The following TMEM232 variants were observed in gnomAD, a reference collection of about 807,000 sequenced individuals.
TMEM232 encodes transmembrane protein 232.
Under a neutral mutation model 78.8 loss-of-function variants are expected in TMEM232, and 80 were observed. The observed-to-expected ratio is 1.01, with a 90% CI of 0.85 to 1.22. The LOEUF (loss-of-function observed/expected upper bound fraction) is 1.22. Among genes scored for constraint, TMEM232 ranks in the 50% most tolerant of loss-of-function variants. The pLI, the probability that TMEM232 is intolerant of heterozygous loss-of-function variation, is 0.00. For missense variants in TMEM232, 881 were observed against 742.2 expected (o/e 1.19, Z -2.17); for synonymous variants, 297 against 254.3 (o/e 1.17, Z -1.60).
At chr5:110,552,750 A>G (rs1383017762) in intron 11 of TMEM232, among the ~76,000 whole-genome samples, 1 of 152,128 alleles carries the variant, frequency 6.6e-6, no homozygotes, top group Admixed American at 6.6e-5. Flanking sequence ...ATATCTGCAA[A>G]TATATAATTT....
chr5:110,407,508 C>A (rs1755836078), intron 2 of TMEM232, among the ~76,000 whole-genome samples: 2 of 152,006 alleles, frequency 1.3e-5, no homozygotes. Flanking sequence ...GCACTCAACA[C>A]CAAAGATCCC....
At chr5:110,555,123 T>G (rs776770990) in intron 11 of TMEM232, among the ~76,000 whole-genome samples, 22 of 152,164 alleles carry the variant, frequency 1.4e-4, no homozygotes, top group Non-Finnish European at 3.2e-4. Context: ...ATTTGAGATC[T>G]TTTAAACATT....
intron 11 of TMEM232, among the ~76,000 whole-genome samples, chr5:110,566,461 C>A (rs1431960322): frequency 6.6e-6 from 1 of 151,820 alleles, no homozygotes; most frequent in Non-Finnish European, 1.5e-5. Flanking sequence ...CTTGAAGATT[C>A]TGTCACTTAG....
intron 7 of TMEM232, among the ~76,000 whole-genome samples, chr5:110,621,856 C>T (rs1783793479): frequency 6.6e-6 from 1 of 152,128 alleles, no homozygotes; most frequent in Non-Finnish European, 1.5e-5. Context: ...CTTTGAGAAG[C>T]CCACCTACAA....
intron 11 of TMEM232, among the ~76,000 whole-genome samples, chr5:110,537,827 C>T (rs755606860): frequency 6.6e-6 from 1 of 152,222 alleles, no homozygotes; most frequent in Non-Finnish European, 1.5e-5. Context: ...AGGAAATTTG[C>T]GGAAGCTTTC....
At chr5:110,600,161 C>T (rs1020158307) in intron 10 of TMEM232, among the ~76,000 whole-genome samples, 2 of 152,110 alleles carry the variant, frequency 1.3e-5, no homozygotes, top group Non-Finnish European at 2.9e-5. Flanking sequence ...ACAGCTAAAG[C>T]AGTTTTAAAA....
chr5:110,452,626 A>C (rs1290504181), intron 12 of TMEM232, among the ~76,000 whole-genome samples: 1 of 152,224 alleles, frequency 6.6e-6, no homozygotes, highest in Non-Finnish European at 1.5e-5. Flanking sequence ...GTCTAAAAAA[A>C]GACAGCCATA....
At chr5:110,737,230 AT>A (rs554285680) in intron 1 of TMEM232, among the ~76,000 whole-genome samples, 2 of 152,152 alleles carry the variant, frequency 1.3e-5, no homozygotes, top group South Asian at 2.1e-4. Context: ...TAATAAATAT[AT>A]TTTTGTTAAA....
At chr5:110,686,832 T>C (rs1007439835) in intron 1 of TMEM232, among the ~76,000 whole-genome samples, 1 of 152,120 alleles carries the variant, frequency 6.6e-6, no homozygotes, top group African/African-American at 2.4e-5. Flanking sequence ...GTAGGGTGTA[T>C]TGGGCAGCTT....
At chr5:110,688,675 G>T (rs1370390587) in intron 1 of TMEM232, among the ~76,000 whole-genome samples, 1 of 152,166 alleles carries the variant, frequency 6.6e-6, no homozygotes, top group African/African-American at 2.4e-5. Context: ...CCAGTGCTTT[G>T]TTGATGCATG....
At chr5:110,428,558 T>C (rs778236116) in intron 12 of TMEM232, among the ~76,000 whole-genome samples, 1 of 151,674 alleles carries the variant, frequency 6.6e-6, no homozygotes, top group Non-Finnish European at 1.5e-5. Flanking sequence ...ACACATCAAA[T>C]TGACCTAATC....
chr5:110,625,214 T>C, intron 7 of TMEM232, 53 bp downstream of exon 7: 1 of 1,412,998 alleles, frequency 7.1e-7, no homozygotes, highest in African/African-American at 1.5e-5. Context: ...ATCATAGTAA[T>C]GATATCTGAT....
At chr5:110,505,789 C>T (rs1434729629) in intron 12 of TMEM232, among the ~76,000 whole-genome samples, 4 of 152,174 alleles carry the variant, frequency 2.6e-5, no homozygotes, top group East Asian at 3.9e-4. Context: ...GGATTACAGG[C>T]GTGAGCCACT....
chr5:110,688,820 G>A (rs1793741458), intron 1 of TMEM232, among the ~76,000 whole-genome samples: 1 of 152,112 alleles, frequency 6.6e-6, no homozygotes, highest in Non-Finnish European at 1.5e-5. Context: ...CAATGAAAAG[G>A]TACTTGCCTC....
Position 110,638,368 on chromosome 5 carries a change from A to G in TMEM232, c.344-13T>C. 3 of 1,521,430 alleles carry G rather than the reference A, an allele frequency of 2.0e-6. No homozygotes were observed. Among genetic ancestry groups the G allele is most frequent in the Non-Finnish European group, 2.6e-6 (3 of 1,135,426 alleles). 94.2% of individuals were successfully genotyped at this position (1,521,430 alleles called of 1,614,324 possible). Reference sequence around the variant, plus strand: ...ATATTTAAAGATTCTGAAATATTAAAAATATAGAAACTGCATCATTTGAAA... The same window carrying G: ...ATATTTAAAGATTCTGAAATATTAAGAATATAGAAACTGCATCATTTGAAA... On this transcript the variant is annotated splice_polypyrimidine_tract_variant and intron_variant, in intron 4 of 13. Coordinates refer to ENST00000455884, the MANE Select transcript of TMEM232 (RefSeq NM_001039763.4).
At position 110,531,474 on chromosome 5, in the gene TMEM232, G is replaced by C. The variant is rs190618493; in HGVS notation, c.1456-2639C>G. On this transcript the variant is annotated intron_variant, in intron 11 of 13. Coordinates refer to ENST00000455884, the MANE Select transcript of TMEM232 (RefSeq NM_001039763.4). The stretch of plus-strand genomic sequence containing the variant: ...GAAACATCTCACTAATTTCAAATCC[G>C]GTAAGTGGCCTCTTTTTACTCTCTT... Among the ~76,000 whole-genome samples the C allele has an allele frequency of 3.6e-3, 552 of 152,224 alleles. 6 individuals carry two copies. Among genetic ancestry groups the C allele is most frequent in the African/African-American group, 0.013 (530 of 41,536 alleles).
In TMEM232 at chr5:110,447,663, ATATGT is replaced by A. The variant is rs558853616; in HGVS notation, c.1704-22752_1704-22748del. Among the ~76,000 whole-genome samples the A allele has an allele frequency of 7.7e-4, 117 of 152,272 alleles. 1 individual carries two copies. The highest frequency in any genetic ancestry group is 2.7e-3 in the African/African-American group (114 of 41,572). ...AATTACTTGGTATACACAAAAGGAT[ATATGT>A]TATAATATTTATAAAATAGGGGCTG... On this transcript the variant is annotated intron_variant, in intron 12 of 13. Transcript: ENST00000455884.
At chr5:110,605,647 C>T (rs1280368560) in intron 9 of TMEM232, among the ~76,000 whole-genome samples, 1 of 152,012 alleles carries the variant, frequency 6.6e-6, no homozygotes, top group Non-Finnish European at 1.5e-5. Flanking sequence ...TCAAAAGGAA[C>T]CTTTTGATAT....
intron 8 of TMEM232, among the ~76,000 whole-genome samples, chr5:110,610,203 G>GAAGGAAGGAAC (rs757374673): frequency 2.7e-5 from 3 of 112,576 alleles, no homozygotes; most frequent in African/African-American, 9.8e-5. Flanking sequence ...AAGGAACAAG[G>GAAGGAAGGAAC]AAGGAAGGAA....
Sources: allele counts gnomAD v4.1 joint callset (sites outside exome capture counted in the v4.1 genomes callset), GRCh38; gene constraint gnomAD v4.1.1; transcripts MANE v1.5; gene names NCBI Gene and HGNC (gene_info 2026-07-23, HGNC 2026-07-21).